The following PPM1L variants were observed in gnomAD, a reference collection of about 807,000 sequenced individuals.
PPM1L encodes the protein protein phosphatase, Mg2+/Mn2+ dependent 1L.
PPM1L carries 13 observed loss-of-function variants against 31.4 expected under a neutral mutation model. The ratio of observed to expected loss-of-function variants is 0.41; its 90% CI spans 0.27 to 0.66. PPM1L has a LOEUF of 0.66. PPM1L is among the 30% of genes least tolerant of loss of function. PPM1L has a pLI of 0.29. For synonymous variants in PPM1L, 184 were observed against 175.4 expected (o/e 1.05, Z -0.39); for missense variants, 326 against 453.7 (o/e 0.72, Z 2.56).
intron 1 of PPM1L, among the ~76,000 whole-genome samples, chr3:160,882,953 A>C (rs1712776264): frequency 6.6e-6 from 1 of 152,154 alleles, no homozygotes; most frequent in Non-Finnish European, 1.5e-5. Context: ...AGGGATGGGG[A>C]GAAAAGGCAA....
chr3:160,897,989 G>C (rs2108051202), intron 1 of PPM1L, among the ~76,000 whole-genome samples: 1 of 152,158 alleles, frequency 6.6e-6, no homozygotes, highest in Non-Finnish European at 1.5e-5. Flanking sequence ...TATATGGCAT[G>C]TACCCTTAAT....
chr3:160,855,773 T>C (rs1711681192), intron 1 of PPM1L, among the ~76,000 whole-genome samples: 1 of 152,152 alleles, frequency 6.6e-6, no homozygotes, highest in Admixed American at 6.5e-5. Context: ...GGAACGTAAG[T>C]GTTTCAGCTA....
At chr3:160,778,444 G>A (rs140756993) in intron 1 of PPM1L, among the ~76,000 whole-genome samples, 4 of 152,142 alleles carry the variant, frequency 2.6e-5, no homozygotes, top group East Asian at 1.9e-4. Context: ...TTTTTAAGGA[G>A]CATCTGGGTA....
intron 1 of PPM1L, among the ~76,000 whole-genome samples, chr3:160,866,085 T>C (rs777072173): frequency 9.8e-5 from 15 of 152,314 alleles, no homozygotes; most frequent in Middle Eastern, 3.4e-3. Context: ...TCCTGGACCA[T>C]TGAAGCTGCT....
intron 1 of PPM1L, among the ~76,000 whole-genome samples, chr3:160,805,958 C>T (rs1712590720): frequency 6.6e-6 from 1 of 152,160 alleles, no homozygotes; most frequent in African/African-American, 2.4e-5. Flanking sequence ...CATATTCTTG[C>T]CATGGCTGGA....
chr3:160,783,551 G>T (rs918197701), intron 1 of PPM1L, among the ~76,000 whole-genome samples: 3 of 140,090 alleles, frequency 2.1e-5, no homozygotes, highest in African/African-American at 8.1e-5. Context: ...AGTGAGCCGA[G>T]ATCTCACCAT....
chr3:160,997,374 G>A (rs780944463), intron 2 of PPM1L, among the ~76,000 whole-genome samples: 2 of 152,166 alleles, frequency 1.3e-5, no homozygotes, highest in African/African-American at 2.4e-5. Flanking sequence ...ATCAAATGAT[G>A]AAGATATCCC....
chr3:160,989,872 C>T (rs1302022331), intron 2 of PPM1L, among the ~76,000 whole-genome samples: 1 of 151,880 alleles, frequency 6.6e-6, no homozygotes, highest in Admixed American at 6.6e-5. Flanking sequence ...TCTTTGTTGC[C>T]CAGACTAGTC....
At chr3:161,061,937 A>C (rs1284871103) in intron 2 of PPM1L, among the ~76,000 whole-genome samples, 1 of 152,236 alleles carries the variant, frequency 6.6e-6, no homozygotes, top group East Asian at 1.9e-4. Flanking sequence ...GGGCAGCTCT[A>C]GGCTGGCTCA....
At chr3:160,936,430 G>A (rs1338108757) in intron 1 of PPM1L, among the ~76,000 whole-genome samples, 1 of 152,042 alleles carries the variant, frequency 6.6e-6, no homozygotes, top group South Asian at 2.1e-4. Flanking sequence ...TTATTTTAAT[G>A]GTCTGAGATT....
At chr3:160,759,559 A>G (rs745857701) in intron 1 of PPM1L, among the ~76,000 whole-genome samples, 15 of 152,162 alleles carry the variant, frequency 9.9e-5, no homozygotes, top group Non-Finnish European at 2.1e-4. Context: ...ATTTACCTAG[A>G]TAGATGGTGC....
chr3:161,001,967 C>T (rs1158109337), intron 2 of PPM1L, among the ~76,000 whole-genome samples: 2 of 151,778 alleles, frequency 1.3e-5, no homozygotes, highest in Non-Finnish European at 2.9e-5. Context: ...AGGTATATCT[C>T]CCAATGCTAT....
chr3:160,885,646 C>T (rs1419637372), intron 1 of PPM1L, among the ~76,000 whole-genome samples: 1 of 152,234 alleles, frequency 6.6e-6, no homozygotes, highest in East Asian at 1.9e-4. Flanking sequence ...AACCCACAGC[C>T]AAGGGAGGCA....
At chr3:160,920,835 T>C (rs1244591809) in intron 1 of PPM1L, among the ~76,000 whole-genome samples, 1 of 152,110 alleles carries the variant, frequency 6.6e-6, no homozygotes, top group Non-Finnish European at 1.5e-5. Flanking sequence ...AATTGTAGTG[T>C]GAAATTTAGC....
chr3:161,019,140 A>G (rs1434303384), intron 2 of PPM1L, among the ~76,000 whole-genome samples: 1 of 152,062 alleles, frequency 6.6e-6, no homozygotes, highest in African/African-American at 2.4e-5. Flanking sequence ...ATGATGCTCA[A>G]AATTGCAACC....
At chr3:160,844,237 C>T (rs916209831) in intron 1 of PPM1L, among the ~76,000 whole-genome samples, 1 of 152,162 alleles carries the variant, frequency 6.6e-6, no homozygotes, top group African/African-American at 2.4e-5. Flanking sequence ...CTAATACTTA[C>T]AGTGATAGAG....
At chr3:160,891,557 A>G (rs1713143906) in intron 1 of PPM1L, among the ~76,000 whole-genome samples, 1 of 152,168 alleles carries the variant, frequency 6.6e-6, no homozygotes, top group East Asian at 1.9e-4. Flanking sequence ...TGGGAGGGTA[A>G]ATTAGTTCAA....
In PPM1L at chr3:161,072,547, T is replaced by C. The variant is rs1442702023; in HGVS notation, c.*3390T>C. On this transcript the variant is annotated 3_prime_UTR_variant, in exon 4 of 4. Coordinates refer to ENST00000498165, the MANE Select transcript of PPM1L (RefSeq NM_139245.4). ...ATGGCATCATCATTTCAATTGAATCTGAAGTGATTCTAGGAAATTGATTCC... is the reference window on the plus strand; with the variant it reads ...ATGGCATCATCATTTCAATTGAATCCGAAGTGATTCTAGGAAATTGATTCC... The C allele has an allele frequency of 6.6e-6, 1 of 152,268 alleles. No homozygotes were observed. Among genetic ancestry groups the C allele is most frequent in the Non-Finnish European group, 1.5e-5 (1 of 68,054 alleles). The allele number at this position is 152,268 out of a possible 1,614,324, so 9.4% of individuals were successfully genotyped here.
chr3:160,763,415 A>AT (rs772048368), intron 1 of PPM1L, among the ~76,000 whole-genome samples: 32 of 152,176 alleles, frequency 2.1e-4, no homozygotes, highest in Non-Finnish European at 3.7e-4. Flanking sequence ...TAAAACTGAT[A>AT]TTTTTCTAGC....
Sources: allele counts gnomAD v4.1 joint callset (sites outside exome capture counted in the v4.1 genomes callset), GRCh38; gene constraint gnomAD v4.1.1; transcripts MANE v1.5; gene names NCBI Gene and HGNC (gene_info 2026-07-23, HGNC 2026-07-21).